The following RHOT1 variants were observed in gnomAD, a reference collection of about 807,000 sequenced individuals.
The protein encoded by RHOT1 is mitochondrial Rho GTPase 1.
Under a neutral mutation model 95.3 loss-of-function variants are expected in RHOT1, and 27 were observed. That is an observed-to-expected ratio of 0.28 (90% CI 0.21 to 0.39). The LOEUF (loss-of-function observed/expected upper bound fraction) is 0.39. Ranked by LOEUF, RHOT1 falls within the 10% of genes least tolerant of loss-of-function variation. The pLI, the probability that RHOT1 is intolerant of heterozygous loss-of-function variation, is 1.00. For missense variants in RHOT1, 578 were observed against 786.7 expected, an observed-to-expected ratio of 0.73 and a Z score of 3.17; for synonymous variants, 227 against 263.5, an observed-to-expected ratio of 0.86 and a Z score of 1.34.
intron 1 of RHOT1, among the ~76,000 whole-genome samples, chr17:32,166,610 G>A (rs1340996793): frequency 1.3e-5 from 2 of 152,118 alleles, no homozygotes; most frequent in African/African-American, 4.8e-5. Context: ...TAATATTCCA[G>A]GTCCTTTGTT....
intron 14 of RHOT1, 108 bp from the exon 15 acceptor site, chr17:32,202,662 C>A: frequency 1.4e-6 from 1 of 732,862 alleles, no homozygotes; most frequent in Non-Finnish European, 2.2e-6. Flanking sequence ...TCAGCTACTT[C>A]ATAAAAATAA....
At position 32,182,798 on chromosome 17, in the gene RHOT1, A is replaced by C. The variant is rs755446487; in HGVS notation, c.371A>C (p.Glu124Ala). Reference protein sequence around the residue: ...ILVGNKSDLVEYSSMETILPI... With the variant: ...ILVGNKSDLVAYSSMETILPI... ...GTTGGGAACAAATCTGATCTGGTGG[A>C]ATATAGTAGTATGGAGACCATCCTT... Residue 124 changes from glutamate (E) to alanine (A), a missense_variant, in exon 7 of 20, where the codon GAA becomes GCA. This residue lies in a region of RHOT1 where 227 missense variants were observed against 316.0 expected (regional missense o/e 0.72). Coordinates refer to ENST00000545287, the MANE Select transcript of RHOT1 (RefSeq NM_001033566.3). The C allele has an allele frequency of 7.5e-6, 12 of 1,608,736 alleles. No homozygotes were observed. Among genetic ancestry groups the C allele is most frequent in the Non-Finnish European group, 1.0e-5 (12 of 1,176,520 alleles).
chr17:32,186,473 C>T (rs903951215), intron 8 of RHOT1, among the ~76,000 whole-genome samples: 1 of 151,754 alleles, frequency 6.6e-6, no homozygotes, highest in African/African-American at 2.4e-5. Flanking sequence ...ACACCATTCT[C>T]CTGCTTCAGC....
chr17:32,149,817 C>T (rs557447233), intron 1 of RHOT1, among the ~76,000 whole-genome samples: 54 of 151,660 alleles, frequency 3.6e-4, no homozygotes, highest in Admixed American at 3.2e-3. Context: ...GGCATGATCT[C>T]GGCTCACTGT....
In RHOT1 at chr17:32,151,168, C is replaced by T. The variant is rs1352725329; in HGVS notation, c.37+8439C>T. 201 of 784,408 alleles carry T rather than the reference C, an allele frequency of 2.6e-4. No individual in the cohort carries two copies. The East Asian group carries it at 4.8e-3, about 19-fold the overall frequency. 48.6% of individuals were successfully genotyped at this position (784,408 alleles called of 1,614,324 possible). On this transcript the variant is annotated intron_variant, in intron 1 of 19. Transcript: ENST00000545287. ...CTGTTGACTCTGGTAGGTTGAGTTT[C>T]AAAGCTAGTTTCTCCTGAAGATTTC...
intron 1 of RHOT1, among the ~76,000 whole-genome samples, chr17:32,166,022 T>C (rs2034048013): frequency 6.6e-6 from 1 of 151,250 alleles, no homozygotes; most frequent in Non-Finnish European, 1.5e-5. Flanking sequence ...CCATCTCTAC[T>C]AAAAATACAA....
At chr17:32,201,280 T>A (rs2142841996) in intron 14 of RHOT1, among the ~76,000 whole-genome samples, 1 of 152,306 alleles carries the variant, frequency 6.6e-6, no homozygotes, top group South Asian at 2.1e-4. Context: ...CTCCCTGGGG[T>A]TACTCCACTG....
chr17:32,200,902 C>T, intron 13 of RHOT1, 54 bp from the exon 14 acceptor site: 2 of 1,329,214 alleles, frequency 1.5e-6, no homozygotes, highest in Admixed American at 1.8e-5. Flanking sequence ...CTTTTTTTTC[C>T]CCATAAATAT....
In RHOT1 at chr17:32,165,400, G is replaced by C. The variant is rs1598327153; in HGVS notation, c.38-5643G>C. Among the ~76,000 whole-genome samples, 3 of 147,432 alleles carry C rather than the reference G, an allele frequency of 2.0e-5. No individual in the cohort carries two copies. The Middle Eastern group carries it at 0.011, about 523-fold the overall frequency. On this transcript the variant is annotated intron_variant, in intron 1 of 19. Transcript: ENST00000545287. ...TAGCCAGGCATGGTGGCACATGCCT[G>C]TAATCCCAGCTACTCAAGAGACTGA...
At position 32,208,310 on chromosome 17, in the gene RHOT1, G is replaced by A; in HGVS notation, c.1739+1G>A. The A allele has an allele frequency of 1.2e-6, 2 of 1,612,322 alleles. No individual in the cohort carries two copies. The highest frequency in any genetic ancestry group is 8.5e-7 in the Non-Finnish European group (1 of 1,178,406). On this transcript the variant is annotated splice_donor_variant, in intron 18 of 19. Transcript: ENST00000545287. LOFTEE classifies it high-confidence loss of function. ...AATTGACAACAATGGCCATGTATCC[G>A]TAAGTACTTGCTGTCTTCATTTTCA...
intron 1 of RHOT1, among the ~76,000 whole-genome samples, chr17:32,149,619 A>ATGTGTG (rs1422165602): frequency 3.4e-5 from 3 of 88,944 alleles, no homozygotes; most frequent in African/African-American, 1.7e-4. Context: ...ATATATATAT[A>ATGTGTG]TATATATATA....
chr17:32,161,748 A>G (rs1457768319), intron 1 of RHOT1, among the ~76,000 whole-genome samples: 1 of 152,206 alleles, frequency 6.6e-6, no homozygotes, highest in African/African-American at 2.4e-5. Context: ...ACCACCAGTT[A>G]AAGAGCAAGG....
intron 2 of RHOT1, among the ~76,000 whole-genome samples, chr17:32,171,404 A>G (rs1486275686): frequency 6.6e-6 from 1 of 152,204 alleles, no homozygotes; most frequent in Non-Finnish European, 1.5e-5. Context: ...CTTTTTAAAA[A>G]GCTAATATTT....
chr17:32,211,838 T>G (rs930875052), intron 19 of RHOT1, among the ~76,000 whole-genome samples: 7 of 152,104 alleles, frequency 4.6e-5, no homozygotes, highest in Admixed American at 3.9e-4. Context: ...TGTAGTACTG[T>G]TTTTTTAGGC....
chr17:32,175,964 T>TA lies in RHOT1; in HGVS notation c.227dup (p.Asn76LysfsTer10). On this transcript the variant is annotated frameshift_variant, in exon 5 of 20. Coordinates refer to ENST00000545287, the MANE Select transcript of RHOT1 (RefSeq NM_001033566.3). LOFTEE classifies it high-confidence loss of function. ...TAATTTGTTAATTTTTCTTCTAGGC[T>TA]AATGTCATCTGTATAGTGTATGCCG... The TA allele has an allele frequency of 6.4e-7, 1 of 1,565,698 alleles. No homozygotes were observed. Among genetic ancestry groups the TA allele is most frequent in the Non-Finnish European group, 8.6e-7 (1 of 1,161,120 alleles).
chr17:32,213,204 A>G (rs1201728723), intron 19 of RHOT1, among the ~76,000 whole-genome samples: 2 of 152,234 alleles, frequency 1.3e-5, no homozygotes, highest in Non-Finnish European at 2.9e-5. Context: ...ATGCAGATAC[A>G]TATATATCTC....
At chr17:32,191,336 TTAA>T (rs2036474320) in intron 8 of RHOT1, among the ~76,000 whole-genome samples, 1 of 152,218 alleles carries the variant, frequency 6.6e-6, no homozygotes, top group Non-Finnish European at 1.5e-5. Context: ...ATTTTGTAAG[TTAA>T]TAAGTTTATA....
At chr17:32,171,015 A>T (rs1383803000) in intron 1 of RHOT1, 28 bp from the exon 2 acceptor site, 2 of 1,561,320 alleles carry the variant, frequency 1.3e-6, no homozygotes, top group East Asian at 2.3e-5. Context: ...CTAACACTTT[A>T]TTAAAGTAAC....
chr17:32,180,885 A>G (rs1200935085), intron 6 of RHOT1, among the ~76,000 whole-genome samples: 1 of 152,084 alleles, frequency 6.6e-6, no homozygotes. Context: ...GGGTCTCACT[A>G]TGTTATCCAG....
Sources: allele counts gnomAD v4.1 joint callset (sites outside exome capture counted in the v4.1 genomes callset), GRCh38; gene constraint gnomAD v4.1.1; regional missense constraint gnomAD v4.1.1; transcripts MANE v1.5; gene names NCBI Gene and HGNC (gene_info 2026-07-23, HGNC 2026-07-21).